The following SLC9D1 variants were observed in gnomAD, a reference collection of about 807,000 sequenced individuals.
SLC9D1 encodes the protein solute carrier family 9 member D1, also known as putative LAG1-interacting protein.
the SLC9D1 span, chr13:113,501,865 A>T: frequency 6.2e-7 from 1 of 1,610,630 alleles, no homozygotes; most frequent in Non-Finnish European, 8.5e-7. Flanking sequence ...GACCTTCAGG[A>T]CTAAATAGTA....
At chr13:113,534,662 T>G in the SLC9D1 span, 1 of 198,668 alleles carries the variant, frequency 5.0e-6, no homozygotes, top group African/African-American at 2.4e-5. Flanking sequence ...GTGGTCGCGC[T>G]CATGTATAGA....
At chr13:113,494,670 A>ATT in the SLC9D1 span, among the ~76,000 whole-genome samples, 112 of 152,080 alleles carry the variant, frequency 7.4e-4, no homozygotes, top group Middle Eastern at 3.4e-3. Flanking sequence ...ATATATATAT[A>ATT]TTTTTAATTC....
At chr13:113,534,342 A>T in the SLC9D1 span, 1 of 981,288 alleles carries the variant, frequency 1.0e-6, no homozygotes, top group Non-Finnish European at 1.5e-6. Context: ...TAATGGTTAA[A>T]ATATTTGAAA....
chr13:113,515,958 T>C, the SLC9D1 span, among the ~76,000 whole-genome samples: 1 of 151,934 alleles, frequency 6.6e-6, no homozygotes, highest in African/African-American at 2.4e-5. Flanking sequence ...GCCCTGCAAC[T>C]TTGTGAACTG....
chr13:113,500,833 A>T, the SLC9D1 span, among the ~76,000 whole-genome samples: 1 of 152,238 alleles, frequency 6.6e-6, no homozygotes, highest in Admixed American at 6.5e-5. Context: ...CGAGAGGAAG[A>T]GGACTAGCCA....
At chr13:113,518,442 G>A in the SLC9D1 span, among the ~76,000 whole-genome samples, 2 of 152,220 alleles carry the variant, frequency 1.3e-5, no homozygotes, top group Non-Finnish European at 2.9e-5. Flanking sequence ...TGCAAAGGAA[G>A]AGAACAAAAT....
the SLC9D1 span, among the ~76,000 whole-genome samples, chr13:113,546,794 G>GTGGGCAGCCACACACGGTT: frequency 0.018 from 2,744 of 152,338 alleles, 77 homozygotes; most frequent in East Asian, 0.053. This position sits in a 1 kb window ranked among gnomAD's most constrained non-coding sequence, Gnocchi z 7.1. Flanking sequence ...GAGCAGCCCA[G>GTGGGCAGCCACACACGGTT]TCCGAGAGTC....
the SLC9D1 span, among the ~76,000 whole-genome samples, chr13:113,526,499 G>A: frequency 2.1e-3 from 315 of 152,030 alleles, 1 homozygote; most frequent in African/African-American, 7.2e-3. Flanking sequence ...CGGGAGGATT[G>A]CTTGAGTTTA....
At chr13:113,494,074 T>C in the SLC9D1 span, among the ~76,000 whole-genome samples, 1 of 152,258 alleles carries the variant, frequency 6.6e-6, no homozygotes, top group East Asian at 1.9e-4. Context: ...GATATATAGA[T>C]ACATCTTTTA....
At chr13:113,496,991 A>G in the SLC9D1 span, among the ~76,000 whole-genome samples, 2 of 152,232 alleles carry the variant, frequency 1.3e-5, no homozygotes, top group South Asian at 2.1e-4. Context: ...CAGTATTTTA[A>G]CATATGCTAG....
At chr13:113,509,717 G>T in the SLC9D1 span, among the ~76,000 whole-genome samples, 3 of 152,178 alleles carry the variant, frequency 2.0e-5, no homozygotes, top group Non-Finnish European at 4.4e-5. Context: ...TTGATGTATC[G>T]TATTTATGTT....
At chr13:113,520,666 G>A in the SLC9D1 span, 16 of 1,613,928 alleles carry the variant, frequency 9.9e-6, no homozygotes, top group Admixed American at 1.7e-5. Context: ...GACGCAGGAC[G>A]TGCAGCTCGG....
At chr13:113,508,225 A>G in the SLC9D1 span, among the ~76,000 whole-genome samples, 196 of 152,362 alleles carry the variant, frequency 1.3e-3, no homozygotes, top group African/African-American at 4.4e-3. Flanking sequence ...CCTGTTCTCT[A>G]TAGAAACTAA....
the SLC9D1 span, chr13:113,536,733 C>G: frequency 6.8e-5 from 12 of 176,230 alleles, no homozygotes; most frequent in Non-Finnish European, 1.0e-4. Flanking sequence ...TGTATTCTTT[C>G]CACTGTTCAG....
the SLC9D1 span, chr13:113,539,278 G>C: frequency 7.2e-7 from 1 of 1,394,480 alleles, no homozygotes. This position sits in a 1 kb window ranked among gnomAD's most constrained non-coding sequence, Gnocchi z 4.8. Context: ...GCTCTGCTGG[G>C]TCTCGGGGTG....
At chr13:113,519,738 C>T in the SLC9D1 span, among the ~76,000 whole-genome samples, 1 of 151,312 alleles carries the variant, frequency 6.6e-6, no homozygotes, top group Admixed American at 6.6e-5. Context: ...GGTGCGTCTG[C>T]ACCATTTGGA....
chr13:113,498,140 G>A, the SLC9D1 span, among the ~76,000 whole-genome samples: 1 of 152,166 alleles, frequency 6.6e-6, no homozygotes, highest in Non-Finnish European at 1.5e-5. Flanking sequence ...GTTGATGTAC[G>A]TACACAAAAA....
the SLC9D1 span, among the ~76,000 whole-genome samples, chr13:113,544,897 G>T: frequency 2.0e-5 from 3 of 152,236 alleles, no homozygotes; most frequent in Admixed American, 6.5e-5. Context: ...CATAAAGCAC[G>T]AAGTGTTTTC....
chr13:113,500,942 A>G, the SLC9D1 span, among the ~76,000 whole-genome samples: 28,339 of 152,070 alleles, frequency 0.19, 3,502 homozygotes, highest in African/African-American at 0.35. Flanking sequence ...TATCTGTAAA[A>G]CTATTCTTTC....
Sources: gnomAD v4.1 joint callset for allele counts (sites outside exome capture counted in the v4.1 genomes callset) on GRCh38, gnomAD v4.1.1 for gene constraint, Gnocchi (gnomAD v3.1) non-coding constraint, MANE v1.5 for transcripts, NCBI Gene and HGNC (gene_info 2026-07-23, HGNC 2026-07-21) for gene names.